Variants in POLR3E observed in about 807,000 individuals in gnomAD.
The protein encoded by POLR3E is DNA-directed RNA polymerase III subunit RPC5.
A neutral mutation model predicts 96.6 loss-of-function variants in POLR3E; 41 were observed. That is an observed-to-expected ratio of 0.42 (90% CI 0.33 to 0.55). The LOEUF is 0.55. Among genes scored for constraint, POLR3E ranks in the 20% least tolerant of loss-of-function variants. POLR3E has a pLI of 0.06. For synonymous variants in POLR3E, 396 were observed against 383.6 expected, an observed-to-expected ratio of 1.03 and a Z score of -0.38; for missense variants, 849 against 952.1, an observed-to-expected ratio of 0.89 and a Z score of 1.43.
In POLR3E at chr16:22,325,999, G is replaced by A. The variant is rs372147889; in HGVS notation, c.1587G>A (p.Lys529=). 5.6e-5 allele frequency: 90 copies of A among 1,596,080 alleles called. No individual in the cohort carries two copies. In the African/African-American group the frequency reaches 1.0e-3, roughly 18 times the overall value. ...CTTCCCCCAGCGGCCTCCACAGCAAGCTGGCCAACGGGCTGCCTCTCGGGC... is the reference window on the plus strand; with the variant it reads ...CTTCCCCCAGCGGCCTCCACAGCAAACTGGCCAACGGGCTGCCTCTCGGGC... ...MDTSPSGLHS[K]LANGLPLGRA... Residue 529 remains lysine (K), a synonymous_variant, in exon 18 of 21, where the codon AAG becomes AAA. Transcript: ENST00000299853.
intron 19 of POLR3E, among the ~76,000 whole-genome samples, chr16:22,331,074 G>A (rs1195570970): frequency 4.8e-5 from 6 of 124,586 alleles, no homozygotes; most frequent in South Asian, 2.7e-4. Flanking sequence ...GCACGATCTC[G>A]GCTCACTGCA....
At chr16:22,305,043 C>A in intron 2 of POLR3E, 113 bp from the exon 3 acceptor site, 1 of 822,992 alleles carries the variant, frequency 1.2e-6, no homozygotes, top group Non-Finnish European at 2.2e-6. Context: ...CCTCCTTCCC[C>A]AAACTGCTTC....
rs763725832 is a variant in POLR3E, at chr16:22,315,203, C to G, written c.637C>G (p.Leu213Val). 5.0e-6 allele frequency: 8 copies of G among 1,590,768 alleles called. No individual in the cohort carries two copies. In the East Asian group the frequency reaches 1.6e-4, roughly 32 times the overall value. ...CTGGGTCCACCTGCATTACTATGGC[C>G]TGAGGGTGAGCGGGGCTTCGTGGGG... ...EPWVHLHYYGLRDSRSEHERQ... is the reference protein window; with the variant it reads ...EPWVHLHYYGVRDSRSEHERQ... The change falls in exon 9 of 21, where the codon CTG (leucine) becomes GTG (valine). Residue 213 changes from leucine to valine, a missense_variant. By Grantham distance (32) the Leu-to-Val change is conservative. Coordinates refer to ENST00000299853, the MANE Select transcript of POLR3E (RefSeq NM_018119.4).
chr16:22,324,170 A>G (rs565828798), intron 14 of POLR3E, among the ~76,000 whole-genome samples, 184 bp from the exon 15 acceptor site: 30 of 151,724 alleles, frequency 2.0e-4, no homozygotes, highest in Admixed American at 5.2e-4. Context: ...TCCTTTATGG[A>G]GGAGAAAAGG....
At chr16:22,316,163 T>C (rs1489280911) in intron 9 of POLR3E, among the ~76,000 whole-genome samples, 1 of 152,210 alleles carries the variant, frequency 6.6e-6, no homozygotes, top group African/African-American at 2.4e-5. Context: ...CACTGCTGTT[T>C]CCTGCTGTGT....
chr16:22,321,367 C>T (rs2048467892), intron 13 of POLR3E, among the ~76,000 whole-genome samples: 1 of 152,208 alleles, frequency 6.6e-6, no homozygotes, highest in African/African-American at 2.4e-5. Flanking sequence ...GCCTTGAAAG[C>T]TCCTCATAGT....
intron 2 of POLR3E, 127 bp from the exon 3 acceptor site, chr16:22,305,029 A>T: frequency 1.3e-6 from 1 of 774,060 alleles, no homozygotes; most frequent in African/African-American, 1.7e-5. Context: ...GAGCTGAGCT[A>T]TTTCCTCCTT....
intron 16 of POLR3E, 25 bp from the exon 17 acceptor site, chr16:22,325,180 T>C: frequency 6.3e-7 from 1 of 1,588,764 alleles, no homozygotes; most frequent in South Asian, 1.1e-5. Flanking sequence ...TGGTTTAAAG[T>C]TAATGGGGTT....
chr16:22,324,648 G>T lies in POLR3E; in HGVS notation c.1274G>T (p.Gly425Val), dbSNP rs2048540663. ...CAGCGGCAGCACATGCTGTGGACGG[G>T]TATCCAGGCCAAGTAAGCACCCTGG... ...VVQRQHMLWT[G>V]IQAKLEKVYN... Residue 425 changes from glycine to valine, a missense_variant, in exon 16 of 21, where the codon GGT becomes GTT. Transcript: ENST00000299853. 1 of 1,613,790 alleles carries T rather than the reference G, an allele frequency of 6.2e-7. No individual in the cohort carries two copies. The highest frequency in any genetic ancestry group is 8.5e-7 in the Non-Finnish European group (1 of 1,179,990).
intron 19 of POLR3E, among the ~76,000 whole-genome samples, chr16:22,330,616 C>T (rs1052857655): frequency 3.3e-5 from 5 of 152,180 alleles, no homozygotes; most frequent in African/African-American, 9.7e-5. Context: ...CAGTGAGACT[C>T]GCTCTTCCCC....
chr16:22,298,493 G>C (rs1362883507), intron 1 of POLR3E, among the ~76,000 whole-genome samples: 1 of 152,202 alleles, frequency 6.6e-6, no homozygotes, highest in Non-Finnish European at 1.5e-5. Flanking sequence ...CTTTAGGGAT[G>C]AAAATAGGGA....
chr16:22,301,063 G>C (rs1233378988), intron 1 of POLR3E, among the ~76,000 whole-genome samples: 5 of 151,346 alleles, frequency 3.3e-5, no homozygotes, highest in African/African-American at 7.3e-5. Context: ...GGGGGAGGCA[G>C]TTTGCAATGT....
Position 22,322,962 on chromosome 16 carries a change from T to C in POLR3E, c.1068+31T>C, listed in dbSNP as rs1239982768. 3 of 1,484,192 alleles carry C rather than the reference T, an allele frequency of 2.0e-6. No individual in the cohort carries two copies. Among genetic ancestry groups the C allele is most frequent in the Non-Finnish European group, 2.8e-6 (3 of 1,069,552 alleles). The allele number at this position is 1,484,192 out of a possible 1,614,324, so 91.9% of individuals were successfully genotyped here. A position where few individuals can be genotyped will look rare whatever the true frequency, so the allele number is the denominator to read the frequency against. On this transcript the variant is annotated intron_variant, in intron 14 of 20. Transcript: ENST00000299853. The surrounding 1 kb of genome is among the most constrained non-coding windows in gnomAD (Gnocchi z 5.2). ...TACCTTGGGTTCTCTGGACTCACGG[T>C]GGGGGCGTGGGAAGAGGGGGGCAGC...
chr16:22,312,873 C>CA (rs1167609047), intron 6 of POLR3E, among the ~76,000 whole-genome samples: 7,047 of 29,296 alleles, frequency 0.24, 1,067 homozygotes, highest in African/African-American at 0.35. Flanking sequence ...CACTCCATCT[C>CA]AAAAAAAAAA....
chr16:22,308,830 C>T, intron 4 of POLR3E, 95 bp from the exon 5 acceptor site: 1 of 758,284 alleles, frequency 1.3e-6, no homozygotes, highest in South Asian at 1.7e-5. Context: ...CGGGCAGGGT[C>T]CTGGTTAGGA....
intron 19 of POLR3E, among the ~76,000 whole-genome samples, chr16:22,330,167 G>A (rs2048707336): frequency 1.3e-5 from 2 of 151,914 alleles, no homozygotes; most frequent in South Asian, 2.1e-4. Context: ...GCGTTCAAGC[G>A]ATTCTTGTGC....
chr16:22,328,943 T>C (rs1206213737), intron 19 of POLR3E: 1 of 268,708 alleles, frequency 3.7e-6, no homozygotes, highest in Non-Finnish European at 7.4e-6. Flanking sequence ...CTGACCAATA[T>C]GGTGAAACCC....
At chr16:22,299,115 C>A in intron 1 of POLR3E, 1 of 449,612 alleles carries the variant, frequency 2.2e-6, no homozygotes, top group Non-Finnish European at 4.5e-6. Context: ...CTGGGGGAGG[C>A]TTTTAAAATA....
At chr16:22,332,329 T>G in intron 20 of POLR3E, 144 bp downstream of exon 20, 1 of 706,604 alleles carries the variant, frequency 1.4e-6, no homozygotes, top group Non-Finnish European at 2.3e-6. Context: ...TGAGCAACTG[T>G]TAATGATTGA....
Sources: allele counts gnomAD v4.1 joint callset (sites outside exome capture counted in the v4.1 genomes callset), GRCh38; gene constraint gnomAD v4.1.1; non-coding constraint Gnocchi (gnomAD v3.1); transcripts MANE v1.5; gene names NCBI Gene and HGNC (gene_info 2026-07-23, HGNC 2026-07-21).